Variants in TCF20 observed in about 807,000 individuals in gnomAD.
TCF20 encodes the protein transcription factor 20.
Under a neutral mutation model 148.6 loss-of-function variants are expected in TCF20, and 3 were observed. That is an observed-to-expected ratio of 0.02 (90% CI 0.01 to 0.05). The LOEUF (loss-of-function observed/expected upper bound fraction) is 0.05. Ranked by LOEUF, TCF20 falls within the 10% of genes least tolerant of loss-of-function variation. The pLI, the probability that TCF20 is intolerant of heterozygous loss-of-function variation, is 1.00. For missense variants in TCF20, 2,350 were observed against 2,429.3 expected, an observed-to-expected ratio of 0.97 and a Z score of 0.69; for synonymous variants, 1,049 against 909.5, an observed-to-expected ratio of 1.15 and a Z score of -2.76.
At chr22:42,194,334 G>A (rs937996554) in intron 2 of TCF20, among the ~76,000 whole-genome samples, 4 of 152,202 alleles carry the variant, frequency 2.6e-5, no homozygotes, top group African/African-American at 9.7e-5. Context: ...TTCCATTATT[G>A]GGAGATGATT....
At chr22:42,249,266 C>A (rs1346559754) in intron 1 of TCF20, among the ~76,000 whole-genome samples, 2 of 152,164 alleles carry the variant, frequency 1.3e-5, no homozygotes, top group African/African-American at 4.8e-5. Flanking sequence ...CTACTGGCAT[C>A]CCAGGGTCTC....
At chr22:42,244,486 A>C (rs1924739115) in intron 1 of TCF20, among the ~76,000 whole-genome samples, 1 of 152,222 alleles carries the variant, frequency 6.6e-6, no homozygotes, top group Admixed American at 6.5e-5. Flanking sequence ...TACACAATAC[A>C]ATGTAGATAA....
At chr22:42,190,987 C>G (rs190857492) in intron 2 of TCF20, among the ~76,000 whole-genome samples, 72 of 152,220 alleles carry the variant, frequency 4.7e-4, no homozygotes, top group East Asian at 3.9e-4. Flanking sequence ...GGGTTTACAG[C>G]CTTCAGGTTC....
At chr22:42,258,062 T>A (rs1925838781) in intron 1 of TCF20, among the ~76,000 whole-genome samples, 1 of 152,160 alleles carries the variant, frequency 6.6e-6, no homozygotes, top group African/African-American at 2.4e-5. Context: ...AAAAGTTGTG[T>A]CCAAATCACT....
intron 5 of TCF20, among the ~76,000 whole-genome samples, chr22:42,165,646 AT>A (rs1312848375): frequency 6.6e-6 from 1 of 152,116 alleles, no homozygotes; most frequent in East Asian, 1.9e-4. Flanking sequence ...AGCCTTGGGT[AT>A]TTTTTGCTAT....
chr22:42,207,483 C>T (rs1330915631), intron 2 of TCF20, among the ~76,000 whole-genome samples: 1 of 152,120 alleles, frequency 6.6e-6, no homozygotes, highest in East Asian at 1.9e-4. Context: ...TAACAGAGAG[C>T]TTCAAGTCAT....
chr22:42,310,299 C>CTA (rs1300453678), intron 1 of TCF20, among the ~76,000 whole-genome samples: 2 of 152,106 alleles, frequency 1.3e-5, no homozygotes, highest in African/African-American at 2.4e-5. Flanking sequence ...TGCTAAGGGC[C>CTA]TACTATGTGC....
intron 1 of TCF20, among the ~76,000 whole-genome samples, chr22:42,257,787 A>G (rs1925821924): frequency 6.6e-6 from 1 of 152,258 alleles, no homozygotes; most frequent in Non-Finnish European, 1.5e-5. Flanking sequence ...TACCCCAGCC[A>G]GGCCACCTGT....
intron 1 of TCF20, among the ~76,000 whole-genome samples, chr22:42,228,443 G>A (rs1337098304): frequency 6.6e-6 from 1 of 152,182 alleles, no homozygotes; most frequent in Non-Finnish European, 1.5e-5. Context: ...AATCCCAAGA[G>A]GTACAAGTGA....
rs1240624825 is a variant in TCF20 at position 42,277,747 on chromosome 22, T to G, written c.-37+6080A>C. On this transcript the variant is annotated intron_variant, in intron 1 of 5. Transcript: ENST00000359486. ...GCACAGGACACAAGCCAGTATGTAT[T>G]TAGACGCGATCCTGCCCTGTGGCTG... 2.3e-4 allele frequency among the ~76,000 whole-genome samples: 35 copies of G among 152,248 alleles called. 1 individual carries two copies. The highest frequency in any genetic ancestry group is 2.9e-5 in the Non-Finnish European group (2 of 68,042).
intron 1 of TCF20, among the ~76,000 whole-genome samples, chr22:42,233,827 C>CA (rs1177416605): frequency 6.6e-6 from 1 of 152,190 alleles, no homozygotes; most frequent in African/African-American, 2.4e-5. Flanking sequence ...CTCACTGAGG[C>CA]ATAAGGAAAG....
chr22:42,195,561 C>T (rs1160546690), intron 2 of TCF20, among the ~76,000 whole-genome samples: 1 of 148,144 alleles, frequency 6.8e-6, no homozygotes, highest in Non-Finnish European at 1.5e-5. Flanking sequence ...AGTGCAATGG[C>T]GCGATCTCAG....
intron 1 of TCF20, among the ~76,000 whole-genome samples, chr22:42,322,904 G>A (rs1340962222): frequency 1.4e-5 from 2 of 140,766 alleles, no homozygotes; most frequent in African/African-American, 5.2e-5. Flanking sequence ...TTTTTTTTTT[G>A]TTTGTTTTTC....
At chr22:42,342,106 G>A (rs552959985) in intron 1 of TCF20, among the ~76,000 whole-genome samples, 2 of 152,318 alleles carry the variant, frequency 1.3e-5, no homozygotes, top group African/African-American at 4.8e-5. Flanking sequence ...GCTCAGAGGA[G>A]AGGTCCAGCC....
chr22:42,324,057 GGT>G (rs1927812120), intron 1 of TCF20, among the ~76,000 whole-genome samples: 1 of 142,686 alleles, frequency 7.0e-6, no homozygotes, highest in Non-Finnish European at 1.6e-5. Flanking sequence ...TGGTGGTGGT[GGT>G]GATGGAGGTT....
chr22:42,217,066 G>A (rs1038230441), intron 1 of TCF20, among the ~76,000 whole-genome samples: 1 of 152,224 alleles, frequency 6.6e-6, no homozygotes, highest in African/African-American at 2.4e-5. Context: ...AAATGGAGTT[G>A]CCTGCAGGAA....
At chr22:42,228,651 T>C (rs1383804938) in intron 1 of TCF20, among the ~76,000 whole-genome samples, 1 of 152,096 alleles carries the variant, frequency 6.6e-6, no homozygotes, top group Non-Finnish European at 1.5e-5. Context: ...TTGCCAAACA[T>C]GGCAACACGC....
rs942850432 is a variant in TCF20, at chr22:42,279,683, G to A, written c.-37+4144C>T. On this transcript the variant is annotated intron_variant, in intron 1 of 5. Coordinates refer to the TCF20 transcript ENST00000359486. The surrounding 1 kb of genome is among the most constrained non-coding windows in gnomAD (Gnocchi z 4.3). ...CCTCAGGTGCTCCGTGAGGTGGGAC[G>A]ATTCACCCCATGAGCAAACAGGCTC... is the stretch of plus-strand genomic sequence containing the variant. 6.6e-6 allele frequency among the ~76,000 whole-genome samples: 1 copy of A among 152,202 alleles called. No homozygotes were observed. Among genetic ancestry groups the A allele is most frequent in the Non-Finnish European group, 1.5e-5 (1 of 68,030 alleles).
At chr22:42,246,275 T>A (rs1924896226) in intron 1 of TCF20, among the ~76,000 whole-genome samples, 1 of 152,176 alleles carries the variant, frequency 6.6e-6, no homozygotes, top group Non-Finnish European at 1.5e-5. Flanking sequence ...CAGCTAACTT[T>A]CGTATTTTTG....
Sources: gnomAD v4.1 joint callset for allele counts (sites outside exome capture counted in the v4.1 genomes callset) on GRCh38, gnomAD v4.1.1 for gene constraint, Gnocchi (gnomAD v3.1) non-coding constraint, MANE v1.5 for transcripts, NCBI Gene and HGNC (gene_info 2026-07-23, HGNC 2026-07-21) for gene names.